The following TRIM71 variants were observed in gnomAD, a reference collection of about 807,000 sequenced individuals.
TRIM71 encodes E3 ubiquitin-protein ligase TRIM71.
A neutral mutation model predicts 61.2 loss-of-function variants in TRIM71; 9 were observed. The observed-to-expected ratio is 0.15, with a 90% CI of 0.09 to 0.26. The LOEUF (loss-of-function observed/expected upper bound fraction) is 0.26. Among genes scored for constraint, TRIM71 ranks in the 10% least tolerant of loss-of-function variants. The pLI is 1.00. For synonymous variants in TRIM71, 645 were observed against 553.2 expected (o/e 1.17, Z -2.33); for missense variants, 998 against 1,238.7 (o/e 0.81, Z 2.92).
chr3:32,861,711 C>T lies in TRIM71; in HGVS notation c.853-12107C>T, dbSNP rs542987827. On this transcript the variant is annotated intron_variant, in intron 1 of 3. Transcript: ENST00000383763. ...AAGGCTCTTGTAATTGCTGGAATGT[C>T]GGGGGGAAGATGAGGTACTGGGAGA... is the stretch of plus-strand genomic sequence containing the variant. Among the ~76,000 whole-genome samples, 33 of 152,210 alleles carry T rather than the reference C, an allele frequency of 2.2e-4. No homozygotes were observed. In the South Asian group the frequency reaches 6.2e-3, roughly 29 times the overall value.
chr3:32,889,886 A>ATG (rs531388047), intron 3 of TRIM71, among the ~76,000 whole-genome samples: 1,756 of 144,870 alleles, frequency 0.012, 33 homozygotes, highest in African/African-American at 0.04. Context: ...GCGTGCGTGT[A>ATG]TGTGTGTGTG....
intron 1 of TRIM71, among the ~76,000 whole-genome samples, chr3:32,826,312 G>A (rs139462562): frequency 5.3e-5 from 8 of 152,198 alleles, no homozygotes; most frequent in South Asian, 2.1e-4. Flanking sequence ...ACAAAAATTA[G>A]CCGGACGAAT....
At chr3:32,853,855 A>C (rs1334891971) in intron 1 of TRIM71, among the ~76,000 whole-genome samples, 2 of 152,146 alleles carry the variant, frequency 1.3e-5, no homozygotes, top group Non-Finnish European at 1.5e-5. Context: ...AAAAATACAA[A>C]AATTAGCCAG....
Position 32,891,870 on chromosome 3 carries a change from C to G in TRIM71, c.*59C>G. Reference sequence around the variant, plus strand: ...TGTGCGTGTCTCTCTCTCTCTCTCTCTCTTTCTCTTTCTCTCTCTTTTTGA... The same window carrying G: ...TGTGCGTGTCTCTCTCTCTCTCTCTGTCTTTCTCTTTCTCTCTCTTTTTGA... On this transcript the variant is annotated 3_prime_UTR_variant, in exon 4 of 4. Transcript: ENST00000383763. This position sits in a 1 kb window ranked among gnomAD's most constrained non-coding sequence, Gnocchi z 8.2. The G allele has an allele frequency of 2.0e-6, 3 of 1,519,196 alleles. No homozygotes were observed. The highest frequency in any genetic ancestry group is 1.5e-5 in the African/African-American group (1 of 67,840). The allele number at this position is 1,519,196 out of a possible 1,614,324, so 94.1% of individuals were successfully genotyped here. A position where few individuals can be genotyped will look rare whatever the true frequency, so the allele number is the denominator to read the frequency against.
Position 32,818,195 on chromosome 3 carries a change from T to G in TRIM71, c.115T>G (p.Ser39Ala), listed in dbSNP as rs755587936. Residue 39 changes from serine (S) to alanine (A), a missense_variant, in exon 1 of 4, where the codon TCC becomes GCC. This residue lies in a region of TRIM71 where 527 missense variants were observed against 427.8 expected (regional missense o/e 1.23). Transcript: ENST00000383763. ...CGCGTCGTCGTCCTCCTCGCAGACG[T>G]CCACGTCGTCGGGGGGCGGCGGCGG... ...SSASSSSSQT[S>A]TSSGGGGGGP... 1.9e-6 allele frequency: 3 copies of G among 1,577,194 alleles called. No individual in the cohort carries two copies. Among genetic ancestry groups the G allele is most frequent in the South Asian group, 2.2e-5 (2 of 88,974 alleles).
At chr3:32,842,459 G>A (rs1220211645) in intron 1 of TRIM71, among the ~76,000 whole-genome samples, 4 of 152,192 alleles carry the variant, frequency 2.6e-5, no homozygotes, top group Admixed American at 6.5e-5. Flanking sequence ...GGATAGACAG[G>A]TTTTGATCCA....
intron 2 of TRIM71, among the ~76,000 whole-genome samples, chr3:32,877,710 G>A (rs1256687161): frequency 6.6e-6 from 1 of 152,058 alleles, no homozygotes; most frequent in Non-Finnish European, 1.5e-5. Context: ...ATTTTCTCAT[G>A]AGATGGCAAC....
intron 1 of TRIM71, 36 bp downstream of exon 1, chr3:32,818,968 A>G: frequency 6.2e-7 from 1 of 1,601,558 alleles, no homozygotes; most frequent in Non-Finnish European, 8.5e-7. Flanking sequence ...TGTCCATCGG[A>G]TAACTGCGTG....
intron 1 of TRIM71, among the ~76,000 whole-genome samples, chr3:32,849,277 G>A (rs995022048): frequency 1.3e-5 from 2 of 152,168 alleles, no homozygotes; most frequent in African/African-American, 4.8e-5. Flanking sequence ...GATTAGAAAC[G>A]CTGGCACTGC....
rs1696074702 is a variant in TRIM71 at position 32,818,008 on chromosome 3, C to T, written c.-73C>T. On this transcript the variant is annotated 5_prime_UTR_variant, in exon 1 of 4. Transcript: ENST00000383763. ...TGAGTGAGTCGGTGACTCCCCCACC[C>T]ACCTCGTCCGCTCTCTCCTCCTCCT... The T allele has an allele frequency of 2.1e-6, 3 of 1,424,566 alleles. No individual in the cohort carries two copies. The highest frequency in any genetic ancestry group is 2.9e-5 in the African/African-American group (2 of 69,446). 88.2% of individuals were successfully genotyped at this position (1,424,566 alleles called of 1,614,324 possible). A position where few individuals can be genotyped will look rare whatever the true frequency, so the allele number is the denominator to read the frequency against.
chr3:32,823,618 G>C (rs189279289), intron 1 of TRIM71, among the ~76,000 whole-genome samples: 1 of 147,658 alleles, frequency 6.8e-6, no homozygotes, highest in Non-Finnish European at 1.5e-5. Flanking sequence ...AACGGTATTT[G>C]TTCTTTATCA....
chr3:32,887,991 A>G lies in TRIM71; in HGVS notation c.1155+1923A>G, dbSNP rs1351061883. 9.2e-5 allele frequency among the ~76,000 whole-genome samples: 14 copies of G among 152,276 alleles called. No individual in the cohort carries two copies. In the East Asian group the frequency reaches 2.5e-3, roughly 27 times the overall value. On this transcript the variant is annotated intron_variant, in intron 3 of 3. Coordinates refer to ENST00000383763, the MANE Select transcript of TRIM71 (RefSeq NM_001039111.3). The stretch of plus-strand genomic sequence containing the variant: ...ACTCAAGTCATGGTCCTCTGTGAAA[A>G]CTGTTTGGATAAGTTCATTCGCTTC...
chr3:32,865,788 GCCGGCCCCCCCCCCCCC>G (rs1170435518), intron 1 of TRIM71, among the ~76,000 whole-genome samples: 1 of 2,296 alleles, frequency 4.4e-4, no homozygotes, highest in Non-Finnish European at 7.5e-4. Context: ...TTTGCCGCCC[GCCGGCCCCCCCCCCCCC>G]CCGCCCCACC....
At chr3:32,882,362 G>C (rs1696919012) in intron 2 of TRIM71, among the ~76,000 whole-genome samples, 1 of 152,032 alleles carries the variant, frequency 6.6e-6, no homozygotes, top group African/African-American at 2.4e-5. Context: ...CACCAGTTGT[G>C]CTAATTAATA....
At position 32,891,946 on chromosome 3, in the gene TRIM71, TTA is replaced by T; in HGVS notation, c.*136_*137del. ...GAAATTTCTTTTTTCTTTTTTTTTT[TTA>T]AAGAGAACAAGAAAAGTACAACATT... On this transcript the variant is annotated 3_prime_UTR_variant, in exon 4 of 4. Transcript: ENST00000383763. This position sits in a 1 kb window ranked among gnomAD's most constrained non-coding sequence, Gnocchi z 8.2. The T allele has an allele frequency of 3.1e-6, 4 of 1,309,394 alleles. No homozygotes were observed. The highest frequency in any genetic ancestry group is 4.0e-6 in the Non-Finnish European group (4 of 989,782). The allele number at this position is 1,309,394 out of a possible 1,614,324, so 81.1% of individuals were successfully genotyped here. A position where few individuals can be genotyped will look rare whatever the true frequency, so the allele number is the denominator to read the frequency against.
In TRIM71 at chr3:32,829,149, A is replaced by G. The variant is rs139143280; in HGVS notation, c.852+10217A>G. Among the ~76,000 whole-genome samples, 549 of 148,870 alleles carry G rather than the reference A, an allele frequency of 3.7e-3. 6 individuals carry two copies. Among genetic ancestry groups the G allele is most frequent in the African/African-American group, 0.012 (496 of 40,252 alleles). ...GCTGGGAGTACAGGAGTGCACCGCC[A>G]TGCCTGGATAATTTTCTTTTTTTCT... On this transcript the variant is annotated intron_variant, in intron 1 of 3. Coordinates refer to ENST00000383763, the MANE Select transcript of TRIM71 (RefSeq NM_001039111.3).
chr3:32,891,649 C>T lies in TRIM71; in HGVS notation c.2445C>T (p.Asn815=), dbSNP rs1441872797. Reference sequence around the variant, plus strand: ...GCATCATTGTGGCGGATTCCAGGAACCATCGGGTACAGATGTTTGAATCCA... The same window carrying T: ...GCATCATTGTGGCGGATTCCAGGAATCATCGGGTACAGATGTTTGAATCCA... ...EGRIIVADSR[N]HRVQMFESNG... is the part of the protein sequence containing the mutation. The change falls in exon 4 of 4, where the codon AAC becomes AAT. Residue 815 remains asparagine, a synonymous_variant. Coordinates refer to ENST00000383763, the MANE Select transcript of TRIM71 (RefSeq NM_001039111.3). The surrounding 1 kb of genome is among the most constrained non-coding windows in gnomAD (Gnocchi z 8.2). 1 of 1,613,168 alleles carries T rather than the reference C, an allele frequency of 6.2e-7. No homozygotes were observed. Among genetic ancestry groups the T allele is most frequent in the South Asian group, 1.1e-5 (1 of 90,962 alleles).
At chr3:32,831,804 T>C (rs1696274580) in intron 1 of TRIM71, among the ~76,000 whole-genome samples, 1 of 152,208 alleles carries the variant, frequency 6.6e-6, no homozygotes, top group Admixed American at 6.5e-5. Context: ...CCCGAAGTTC[T>C]TGGGATTACA....
At chr3:32,828,001 G>T (rs754957033) in intron 1 of TRIM71, among the ~76,000 whole-genome samples, 1 of 152,152 alleles carries the variant, frequency 6.6e-6, no homozygotes, top group Non-Finnish European at 1.5e-5. Context: ...TAAAAAATCT[G>T]CACTTAAGTT....
Sources: allele counts gnomAD v4.1 joint callset (sites outside exome capture counted in the v4.1 genomes callset), GRCh38; gene constraint gnomAD v4.1.1; regional missense constraint gnomAD v4.1.1; non-coding constraint Gnocchi (gnomAD v3.1); transcripts MANE v1.5; gene names NCBI Gene and HGNC (gene_info 2026-07-23, HGNC 2026-07-21).